Variants in SMARCA2 observed in about 807,000 individuals in gnomAD.
The protein encoded by SMARCA2 is SWI/SNF related BAF chromatin remodeling complex subunit ATPase 2, also known as SWI/SNF-related matrix-associated actin-dependent regulator of chromatin subfamily A member 2.
Under a neutral mutation model 199.8 loss-of-function variants are expected in SMARCA2, and 61 were observed. The ratio of observed to expected loss-of-function variants is 0.31; its 90% CI spans 0.25 to 0.38. The LOEUF is 0.38. Ranked by LOEUF, SMARCA2 falls within the 10% of genes least tolerant of loss-of-function variation. The pLI is 1.00. For missense variants in SMARCA2, 1,344 were observed against 2,012.2 expected (o/e 0.67, Z 6.35); for synonymous variants, 935 against 732.0 (o/e 1.28, Z -4.48).
At chr9:2,098,673 G>A (rs931134074) in intron 21 of SMARCA2, among the ~76,000 whole-genome samples, 1 of 152,152 alleles carries the variant, frequency 6.6e-6, no homozygotes. Flanking sequence ...GCTGGGTGCA[G>A]GGGGCTCACC....
intron 27 of SMARCA2, among the ~76,000 whole-genome samples, chr9:2,151,754 TA>T (rs1417599930): frequency 1.3e-5 from 2 of 151,434 alleles, no homozygotes; most frequent in Admixed American, 1.3e-4. Context: ...ATAAATGAAT[TA>T]AAAAATATGT....
chr9:2,102,513 A>G (rs911544269), intron 22 of SMARCA2, among the ~76,000 whole-genome samples: 1 of 152,212 alleles, frequency 6.6e-6, no homozygotes. Context: ...ACATTTCAGT[A>G]CTATAGATTA....
intron 27 of SMARCA2, chr9:2,157,626 C>G (rs1355316201): frequency 2.8e-6 from 1 of 354,462 alleles, no homozygotes; most frequent in Non-Finnish European, 5.0e-6. Context: ...TTGCTCCTTT[C>G]AGTGTTAAGA....
At chr9:2,018,825 A>C (rs10964427) in intron 1 of SMARCA2, among the ~76,000 whole-genome samples, 15,184 of 152,176 alleles carry the variant, frequency 0.1, 966 homozygotes, top group East Asian at 0.16. Flanking sequence ...TTTCAGTAGT[A>C]TTTTCCATCT....
At chr9:2,120,422 T>TGAAA (rs1823406540) in intron 26 of SMARCA2, among the ~76,000 whole-genome samples, 1 of 152,138 alleles carries the variant, frequency 6.6e-6, no homozygotes, top group Non-Finnish European at 1.5e-5. Context: ...AAATGACAAA[T>TGAAA]TTTCAAGGGG....
At chr9:2,163,130 A>C (rs759713405) in intron 28 of SMARCA2, among the ~76,000 whole-genome samples, 3 of 152,236 alleles carry the variant, frequency 2.0e-5, no homozygotes, top group Non-Finnish European at 2.9e-5. Context: ...ACTTTCCACC[A>C]TGGGGTTTTG....
In SMARCA2 at chr9:2,056,565, A is replaced by AGATTCCCCGCCCCACTC; in HGVS notation, c.1174-106_1174-90dup. On this transcript the variant is annotated intron_variant, in intron 6 of 33. Transcript: ENST00000349721. The surrounding 1 kb of genome is among the most constrained non-coding windows in gnomAD (Gnocchi z 4.0). ...CCAAAGGTGATTGAGAAGCTTGTGG[A>AGATTCCCCGCCCCACTC]GATTCCCCGCCCCACTCTATTCCAT... The AGATTCCCCGCCCCACTC allele has an allele frequency of 1.0e-6, 1 of 957,626 alleles. No homozygotes were observed. The highest frequency in any genetic ancestry group is 1.5e-6 in the Non-Finnish European group (1 of 654,650). 59.3% of individuals were successfully genotyped at this position (957,626 alleles called of 1,614,324 possible). A position where few individuals can be genotyped will look rare whatever the true frequency, so the allele number is the denominator to read the frequency against.
chr9:2,032,918 G>A (rs748163872), intron 2 of SMARCA2, 34 bp from the exon 3 acceptor site: 2 of 1,600,988 alleles, frequency 1.2e-6, no homozygotes, highest in Non-Finnish European at 1.7e-6. Flanking sequence ...TTACCTTATA[G>A]AGGTGTCTAA....
intron 28 of SMARCA2, among the ~76,000 whole-genome samples, chr9:2,167,273 A>G (rs1825979835): frequency 6.6e-6 from 1 of 152,156 alleles, no homozygotes; most frequent in Non-Finnish European, 1.5e-5. Flanking sequence ...GCTTTTGTTC[A>G]CCATTTATTA....
chr9:2,174,966 C>A (rs1826474375), intron 29 of SMARCA2, among the ~76,000 whole-genome samples: 1 of 135,372 alleles, frequency 7.4e-6, no homozygotes, highest in Non-Finnish European at 1.5e-5. Flanking sequence ...AATGGAGAGG[C>A]AGGAAAGGAT....
intron 27 of SMARCA2, among the ~76,000 whole-genome samples, chr9:2,156,887 C>T (rs1417170990): frequency 6.6e-6 from 1 of 152,190 alleles, no homozygotes; most frequent in Non-Finnish European, 1.5e-5. Flanking sequence ...TTCCCTCAGC[C>T]GCTGGTAACC....
At chr9:2,189,876 G>A (rs1005618844) in intron 32 of SMARCA2, among the ~76,000 whole-genome samples, 14 of 150,810 alleles carry the variant, frequency 9.3e-5, no homozygotes, top group African/African-American at 3.0e-4. Context: ...TATTTTGTGG[G>A]TCCCTCTACT....
chr9:2,025,848 C>G (rs1312555452), intron 1 of SMARCA2, among the ~76,000 whole-genome samples: 1 of 152,160 alleles, frequency 6.6e-6, no homozygotes, highest in East Asian at 1.9e-4. Flanking sequence ...TTATAGGCCT[C>G]ATCTTAGAGA....
intron 2 of SMARCA2, among the ~76,000 whole-genome samples, chr9:2,031,016 A>G (rs1819043883): frequency 6.6e-6 from 1 of 152,232 alleles, no homozygotes; most frequent in African/African-American, 2.4e-5. Context: ...CTTGTTGTAC[A>G]TGCTTTTTCT....
In SMARCA2 at chr9:2,115,168, C is replaced by T. The variant is rs573609723; in HGVS notation, c.3457-654C>T. Among the ~76,000 whole-genome samples the T allele has an allele frequency of 4.6e-5, 7 of 152,118 alleles. No individual in the cohort carries two copies. The South Asian group carries it at 8.3e-4, about 18-fold the overall frequency. ...CATTTCCGAAGTAATATTTCTAAGT[C>T]GGAGACATAGACAGTTTTAACACTT... On this transcript the variant is annotated intron_variant, in intron 24 of 33. Coordinates refer to ENST00000349721, the MANE Select transcript of SMARCA2 (RefSeq NM_003070.5). The surrounding 1 kb of genome is among the most constrained non-coding windows in gnomAD (Gnocchi z 6.0).
intron 16 of SMARCA2, 123 bp downstream of exon 16, chr9:2,083,536 C>G (rs1368808712): frequency 3.4e-6 from 2 of 582,684 alleles, no homozygotes; most frequent in Non-Finnish European, 6.1e-6. Context: ...ACATCATGTA[C>G]TAAACCGTGA....
In SMARCA2 at chr9:2,161,572, T is replaced by A. The variant is rs1274335061; in HGVS notation, c.3982-114T>A. On this transcript the variant is annotated intron_variant, in intron 27 of 33. Coordinates refer to ENST00000349721, the MANE Select transcript of SMARCA2 (RefSeq NM_003070.5). The surrounding 1 kb of genome is among the most constrained non-coding windows in gnomAD (Gnocchi z 4.7). ...ACTGTTAACTTTTACTTTTTTTTGG[T>A]TAATTTCTTTCATTTTATTCTAATT... is the stretch of plus-strand genomic sequence containing the variant. 5.5e-6 allele frequency: 4 copies of A among 730,310 alleles called. No homozygotes were observed. Among genetic ancestry groups the A allele is most frequent in the South Asian group, 3.9e-5 (2 of 50,974 alleles). The allele number at this position is 730,310 out of a possible 1,614,324, so 45.2% of individuals were successfully genotyped here.
chr9:2,065,003 TG>T (rs1438029642), intron 9 of SMARCA2, among the ~76,000 whole-genome samples: 1 of 152,106 alleles, frequency 6.6e-6, no homozygotes, highest in Non-Finnish European at 1.5e-5. Flanking sequence ...GCTAACATGT[TG>T]AAACCCCATC....
intron 5 of SMARCA2, among the ~76,000 whole-genome samples, chr9:2,054,170 G>C (rs1312870923): frequency 6.6e-6 from 1 of 152,196 alleles, no homozygotes; most frequent in African/African-American, 2.4e-5. Context: ...CAAATGGTCT[G>C]GTTGCCTTAG....
Sources: gnomAD v4.1 joint callset for allele counts (sites outside exome capture counted in the v4.1 genomes callset) on GRCh38, gnomAD v4.1.1 for gene constraint, Gnocchi (gnomAD v3.1) non-coding constraint, MANE v1.5 for transcripts, NCBI Gene and HGNC (gene_info 2026-07-23, HGNC 2026-07-21) for gene names.